Variants in RGS5 observed in about 807,000 individuals in gnomAD.
RGS5 encodes regulator of G protein signaling 5.
RGS5 carries 20 observed loss-of-function variants against 18.9 expected under a neutral mutation model. The ratio of observed to expected loss-of-function variants is 1.06; its 90% CI spans 0.74 to 1.54. The LOEUF is 1.54. Ranked by LOEUF, RGS5 falls within the 40% of genes most tolerant of loss-of-function variation. The pLI is 0.00. For synonymous variants in RGS5, 57 were observed against 76.2 expected, an observed-to-expected ratio of 0.75 and a Z score of 1.31; for missense variants, 201 against 211.8, an observed-to-expected ratio of 0.95 and a Z score of 0.32.
chr1:163,228,049 G>C (rs1647378133), intron 2 of RGS5, among the ~76,000 whole-genome samples: 1 of 152,208 alleles, frequency 6.6e-6, no homozygotes, highest in African/African-American at 2.4e-5. Flanking sequence ...AATGCCTGCA[G>C]CTTTTCTAGG....
At chr1:163,241,795 T>C (rs1252381029) in intron 2 of RGS5, among the ~76,000 whole-genome samples, 6 of 151,872 alleles carry the variant, frequency 4.0e-5, no homozygotes, top group African/African-American at 1.5e-4. Flanking sequence ...ATATTTAAAA[T>C]AGAAAAAGAC....
At chr1:163,207,698 T>G (rs938770261), upstream of RGS5, among the ~76,000 whole-genome samples, 1 of 152,074 alleles carries the variant, frequency 6.6e-6, no homozygotes, top group Non-Finnish European at 1.5e-5. Flanking sequence ...TTTATAAAAA[T>G]AATGAAACTA....
intron 2 of RGS5, among the ~76,000 whole-genome samples, chr1:163,298,223 TATGC>T (rs1201380988): frequency 1.3e-5 from 2 of 152,082 alleles, no homozygotes; most frequent in Admixed American, 1.3e-4. Context: ...AGAGAAGACA[TATGC>T]ATGTATACAA....
chr1:163,288,073 T>C (rs1186122759), intron 2 of RGS5, among the ~76,000 whole-genome samples: 1 of 152,044 alleles, frequency 6.6e-6, no homozygotes, highest in African/African-American at 2.4e-5. Context: ...TTTCTAGAAA[T>C]TAGATAAATT....
chr1:163,281,583 T>G (rs1445828214), intron 2 of RGS5, among the ~76,000 whole-genome samples: 5 of 152,106 alleles, frequency 3.3e-5, no homozygotes, highest in Admixed American at 2.6e-4. Flanking sequence ...TCCATCCCCA[T>G]GAGTCAACAC....
chr1:163,274,048 G>A (rs1185818672), intron 2 of RGS5, among the ~76,000 whole-genome samples: 2 of 152,150 alleles, frequency 1.3e-5, no homozygotes, highest in African/African-American at 2.4e-5. Context: ...TGTGTGAATT[G>A]GCATGGAAAT....
upstream of RGS5, among the ~76,000 whole-genome samples, chr1:163,206,344 T>C (rs1312994594): frequency 6.6e-6 from 1 of 151,954 alleles, no homozygotes; most frequent in Non-Finnish European, 1.5e-5. Flanking sequence ...ACAATATGGA[T>C]TCATTAAAAG....
At chr1:163,218,190 C>T (rs75554853), upstream of RGS5, among the ~76,000 whole-genome samples, 4 of 151,966 alleles carry the variant, frequency 2.6e-5, no homozygotes, top group African/African-American at 4.8e-5. Context: ...ATTTGAGAGA[C>T]GGTTGATAAA....
intron 2 of RGS5, among the ~76,000 whole-genome samples, chr1:163,286,210 G>A (rs1649143636): frequency 6.6e-6 from 1 of 152,110 alleles, no homozygotes; most frequent in Admixed American, 6.6e-5. Context: ...ATTGTATTAG[G>A]TGTTATAAGT....
At chr1:163,206,150 T>C (rs1487497504), upstream of RGS5, among the ~76,000 whole-genome samples, 2 of 152,178 alleles carry the variant, frequency 1.3e-5, no homozygotes. Flanking sequence ...CCTTTTTTTA[T>C]TTAAAGAAAT....
At chr1:163,184,188 C>G (rs1421229329) in intron 1 of RGS5, among the ~76,000 whole-genome samples, 1 of 152,094 alleles carries the variant, frequency 6.6e-6, no homozygotes, top group Non-Finnish European at 1.5e-5. Context: ...CACAAGACAA[C>G]AGGGTGTCTT....
intron 1 of RGS5, among the ~76,000 whole-genome samples, chr1:163,312,058 G>C (rs941321253): frequency 3.3e-5 from 5 of 152,208 alleles, no homozygotes; most frequent in Non-Finnish European, 7.3e-5. Flanking sequence ...TAATCCCCGG[G>C]TGTTGAGGGA....
At chr1:163,251,168 A>C (rs994261884) in intron 2 of RGS5, among the ~76,000 whole-genome samples, 1 of 152,152 alleles carries the variant, frequency 6.6e-6, no homozygotes, top group South Asian at 2.1e-4. Flanking sequence ...GATGAACTCG[A>C]TCCTCTGTCA....
chr1:163,165,407 T>C (rs536202051), intron 2 of RGS5, among the ~76,000 whole-genome samples: 3 of 152,310 alleles, frequency 2.0e-5, no homozygotes, highest in South Asian at 4.1e-4. Flanking sequence ...CATTTTACAA[T>C]TGATGATTTT....
At chr1:163,265,845 A>G (rs1648560989) in intron 2 of RGS5, among the ~76,000 whole-genome samples, 1 of 151,974 alleles carries the variant, frequency 6.6e-6, no homozygotes, top group South Asian at 2.1e-4. Context: ...CTGGCTTCTC[A>G]TCTTCTTGCC....
At chr1:163,285,054 G>A (rs1649107798) in intron 2 of RGS5, among the ~76,000 whole-genome samples, 2 of 152,112 alleles carry the variant, frequency 1.3e-5, no homozygotes, top group Non-Finnish European at 1.5e-5. Flanking sequence ...CAGATCTCAT[G>A]AGACTTACTC....
upstream of RGS5, among the ~76,000 whole-genome samples, chr1:163,221,951 G>A (rs1371047828): frequency 1.3e-5 from 2 of 152,198 alleles, no homozygotes; most frequent in Non-Finnish European, 2.9e-5. Context: ...GTAGAAAATA[G>A]AGATTCCATA....
intron 4 of RGS5, among the ~76,000 whole-genome samples, chr1:163,147,809 T>TG (rs61327897): frequency 1 from 152,256 of 152,258 alleles, 76,127 homozygotes; most frequent in Non-Finnish European, 1. Flanking sequence ...GAAAAAAATA[T>TG]TATATGCAGA....
chr1:163,265,375 T>C (rs1390893219), intron 2 of RGS5, among the ~76,000 whole-genome samples: 1 of 152,156 alleles, frequency 6.6e-6, no homozygotes, highest in Non-Finnish European at 1.5e-5. Context: ...GTTTCTCTTT[T>C]TACTTCAATG....
Sources: gnomAD v4.1 joint callset for allele counts (sites outside exome capture counted in the v4.1 genomes callset) on GRCh38, gnomAD v4.1.1 for gene constraint, MANE v1.5 for transcripts, NCBI Gene and HGNC (gene_info 2026-07-23, HGNC 2026-07-21) for gene names.